The following RASSF2 variants were observed in gnomAD, a reference collection of about 807,000 sequenced individuals.
RASSF2 encodes the protein Ras association domain family member 2, also known as ras association domain-containing protein 2.
Under a neutral mutation model 46.3 loss-of-function variants are expected in RASSF2, and 34 were observed. The observed-to-expected ratio is 0.73, with a 90% CI of 0.56 to 0.98. The LOEUF (loss-of-function observed/expected upper bound fraction) is 0.98. Ranked by LOEUF, RASSF2 falls within the 50% of genes least tolerant of loss-of-function variation. The pLI is 0.00. For missense variants in RASSF2, 364 were observed against 431.2 expected, an observed-to-expected ratio of 0.84 and a Z score of 1.38; for synonymous variants, 158 against 162.5, an observed-to-expected ratio of 0.97 and a Z score of 0.21.
chr20:4,792,773 G>A, intron 5 of RASSF2, 146 bp from the exon 6 acceptor site: 1 of 1,435,762 alleles, frequency 7.0e-7, no homozygotes, highest in Non-Finnish European at 9.2e-7. Flanking sequence ...GTGATGAAGG[G>A]TGCAGATGGG....
At chr20:4,797,934 A>T (rs1487293438) in intron 4 of RASSF2, 76 bp downstream of exon 4, 2 of 1,587,152 alleles carry the variant, frequency 1.3e-6, no homozygotes, top group African/African-American at 2.7e-5. Context: ...TTGGGACCTC[A>T]GGGACCTTCA....
chr20:4,814,342 C>A (rs1379138720), intron 2 of RASSF2, among the ~76,000 whole-genome samples: 1 of 152,148 alleles, frequency 6.6e-6, no homozygotes, highest in Non-Finnish European at 1.5e-5. Context: ...TCTTTGGTAT[C>A]GACACTTCCT....
chr20:4,812,138 AGAG>A lies in RASSF2; in HGVS notation c.-33+10188_-33+10190del, dbSNP rs1927873532. On this transcript the variant is annotated intron_variant, in intron 2 of 11. Coordinates refer to ENST00000379400, the MANE Select transcript of RASSF2 (RefSeq NM_014737.3). This position sits in a 1 kb window ranked among gnomAD's most constrained non-coding sequence, Gnocchi z 4.0. ...GCCCTGCCAAGACCTAGAGATGGCA[AGAG>A]ATGCCAGATCATGCTTCCCAAACCC... 6.6e-6 allele frequency among the ~76,000 whole-genome samples: 1 copy of A among 152,314 alleles called. No individual in the cohort carries two copies. Among genetic ancestry groups the A allele is most frequent in the African/African-American group, 2.4e-5 (1 of 41,570 alleles).
intron 2 of RASSF2, among the ~76,000 whole-genome samples, chr20:4,803,384 C>T (rs1016937824): frequency 1.3e-5 from 2 of 152,104 alleles, no homozygotes; most frequent in East Asian, 3.8e-4. Flanking sequence ...CAGAAAAGAA[C>T]ACATCCCTGT....
intron 3 of RASSF2, among the ~76,000 whole-genome samples, chr20:4,800,246 C>A (rs2122551828): frequency 6.6e-6 from 1 of 152,304 alleles, no homozygotes; most frequent in African/African-American, 2.4e-5. Context: ...ATTAAATTGT[C>A]CCCTTCTATT....
At chr20:4,811,283 C>T (rs1228684812) in intron 2 of RASSF2, among the ~76,000 whole-genome samples, 1 of 152,106 alleles carries the variant, frequency 6.6e-6, no homozygotes, top group Non-Finnish European at 1.5e-5. Flanking sequence ...CACAGAAGTT[C>T]GAGGTTGCAG....
chr20:4,800,175 C>T (rs950250226), intron 3 of RASSF2, among the ~76,000 whole-genome samples: 5 of 151,944 alleles, frequency 3.3e-5, no homozygotes, highest in Admixed American at 3.3e-4. Flanking sequence ...TCTATTTTGG[C>T]TCAAGCCCAG....
Position 4,789,718 on chromosome 20 carries a change from C to T in RASSF2, c.538-21G>A, listed in dbSNP as rs6037963. On this transcript the variant is annotated intron_variant, in intron 7 of 11. Coordinates refer to ENST00000379400, the MANE Select transcript of RASSF2 (RefSeq NM_014737.3). ...GATGTCTGTCAATAGAAGGGCCCAG[C>T]TCAGGGTGGGAGTGGGAACAAGGAC... 8,253 of 1,605,892 alleles carry T rather than the reference C, an allele frequency of 5.1e-3. 391 individuals carry two copies. In the African/African-American group the frequency reaches 0.099, roughly 19 times the overall value.
At chr20:4,817,993 G>A (rs909465838) in intron 2 of RASSF2, among the ~76,000 whole-genome samples, 3 of 152,140 alleles carry the variant, frequency 2.0e-5, no homozygotes, top group Non-Finnish European at 4.4e-5. Context: ...TTAGCCAGAC[G>A]CAGTGGCTCA....
chr20:4,787,249 T>C (rs1253966592), intron 10 of RASSF2, among the ~76,000 whole-genome samples: 1 of 152,132 alleles, frequency 6.6e-6, no homozygotes, highest in Non-Finnish European at 1.5e-5. Context: ...GCTTCAAATA[T>C]GCTTACATGA....
At position 4,812,529 on chromosome 20, in the gene RASSF2, G is replaced by A. The variant is rs1276903409; in HGVS notation, c.-33+9800C>T. 2.0e-5 allele frequency among the ~76,000 whole-genome samples: 3 copies of A among 152,172 alleles called. No individual in the cohort carries two copies. The highest frequency in any genetic ancestry group is 7.2e-5 in the African/African-American group (3 of 41,434). On this transcript the variant is annotated intron_variant, in intron 2 of 11. Transcript: ENST00000379400. This position sits in a 1 kb window ranked among gnomAD's most constrained non-coding sequence, Gnocchi z 4.0. The stretch of plus-strand genomic sequence containing the variant: ...CAACCCAACTGTATTCTGGAGGAGA[G>A]GTTCTCCCACTTGAGTGTGTATTGG...
rs564340754 is a variant in RASSF2, at chr20:4,812,685, G to T, written c.-33+9644C>A. Among the ~76,000 whole-genome samples the T allele has an allele frequency of 6.6e-6, 1 of 152,330 alleles. No individual in the cohort carries two copies. The highest frequency in any genetic ancestry group is 1.5e-5 in the Non-Finnish European group (1 of 68,040). ...GCCCAGGGCTGCTGCTGATGCTGCT[G>T]GTGGTAGCAGGCTCTAGATGCTTTA... On this transcript the variant is annotated intron_variant, in intron 2 of 11. Transcript: ENST00000379400. This position sits in a 1 kb window ranked among gnomAD's most constrained non-coding sequence, Gnocchi z 4.0.
At chr20:4,814,299 C>T (rs1343386190) in intron 2 of RASSF2, among the ~76,000 whole-genome samples, 1 of 152,172 alleles carries the variant, frequency 6.6e-6, no homozygotes, top group East Asian at 1.9e-4. Flanking sequence ...GAGGGGCTGC[C>T]TCCGGGTCCC....
chr20:4,787,787 G>A, intron 9 of RASSF2, 33 bp from the exon 10 acceptor site: 2 of 1,613,294 alleles, frequency 1.2e-6, no homozygotes, highest in Non-Finnish European at 1.7e-6. Flanking sequence ...GCAGCCCTGA[G>A]AGGCCTTTCT....
intron 2 of RASSF2, among the ~76,000 whole-genome samples, chr20:4,820,814 G>T (rs571980444): frequency 3.3e-5 from 5 of 152,206 alleles, no homozygotes; most frequent in African/African-American, 1.2e-4. Context: ...TACTCTTGGG[G>T]TCACTCAGTC....
In RASSF2 at chr20:4,780,506, C is replaced by T. The variant is rs1924702252; in HGVS notation, c.*3767G>A. ...TTTACATCTCTAGGAAATCATATCTCATCTCATCTGAGCGAAGCAAGACTT... is the reference window on the plus strand; with the variant it reads ...TTTACATCTCTAGGAAATCATATCTTATCTCATCTGAGCGAAGCAAGACTT... On this transcript the variant is annotated 3_prime_UTR_variant, in exon 12 of 12. Coordinates refer to ENST00000379400, the MANE Select transcript of RASSF2 (RefSeq NM_014737.3). 1 of 152,208 alleles carries T rather than the reference C, an allele frequency of 6.6e-6. No homozygotes were observed. Among genetic ancestry groups the T allele is most frequent in the Admixed American group, 6.5e-5 (1 of 15,282 alleles). The allele number at this position is 152,208 out of a possible 1,614,324, so 9.4% of individuals were successfully genotyped here.
chr20:4,797,972 G>A (rs1926491588), intron 4 of RASSF2, 38 bp downstream of exon 4: 1 of 1,611,874 alleles, frequency 6.2e-7, no homozygotes, highest in African/African-American at 1.3e-5. Flanking sequence ...GACAAGCCCT[G>A]GACTAGCCAA....
chr20:4,787,878 G>T, intron 9 of RASSF2, 124 bp from the exon 10 acceptor site: 1 of 1,244,092 alleles, frequency 8.0e-7, no homozygotes. Context: ...TGATTTATAA[G>T]TGAACTATTC....
intron 2 of RASSF2, among the ~76,000 whole-genome samples, chr20:4,811,052 G>T (rs1927749729): frequency 6.6e-6 from 1 of 152,130 alleles, no homozygotes; most frequent in Non-Finnish European, 1.5e-5. Context: ...GGTAGAGAGA[G>T]GGGTTGCTTT....
Sources: gnomAD v4.1 joint callset for allele counts (sites outside exome capture counted in the v4.1 genomes callset) on GRCh38, gnomAD v4.1.1 for gene constraint, Gnocchi (gnomAD v3.1) non-coding constraint, MANE v1.5 for transcripts, NCBI Gene and HGNC (gene_info 2026-07-23, HGNC 2026-07-21) for gene names.